RGL1: variants seen among roughly 807,000 people sequenced by gnomAD.
The protein encoded by RGL1 is ral guanine nucleotide dissociation stimulator like 1, also known as ral guanine nucleotide dissociation stimulator-like 1.
RGL1 carries 24 observed loss-of-function variants against 95.2 expected under a neutral mutation model. The ratio of observed to expected loss-of-function variants is 0.25; its 90% CI spans 0.18 to 0.35. RGL1 has a LOEUF of 0.35. RGL1 is among the 10% of genes least tolerant of loss of function. The pLI is 1.00. For missense variants in RGL1, 715 were observed against 936.3 expected (o/e 0.76, Z 3.08); for synonymous variants, 329 against 344.9 (o/e 0.95, Z 0.51).
chr1:183,826,943 G>A (rs1319512517), intron 2 of RGL1, among the ~76,000 whole-genome samples: 1 of 151,000 alleles, frequency 6.6e-6, no homozygotes, highest in Non-Finnish European at 1.5e-5. Context: ...TCTTTTTCGA[G>A]ACAGAGTGTC....
intron 2 of RGL1, among the ~76,000 whole-genome samples, chr1:183,774,245 G>A (rs774864377): frequency 5.0e-4 from 76 of 152,314 alleles, no homozygotes; most frequent in Non-Finnish European, 8.8e-4. Context: ...AACCAAGCAG[G>A]TGCTGGCCAC....
At position 183,757,977 on chromosome 1, in the gene RGL1, A is replaced by G. The variant is rs191843710; in HGVS notation, c.132+15688A>G. Among the ~76,000 whole-genome samples, 347 of 152,336 alleles carry G rather than the reference A, an allele frequency of 2.3e-3. 2 individuals carry two copies. Among genetic ancestry groups the G allele is most frequent in the African/African-American group, 7.8e-3 (324 of 41,580 alleles). On this transcript the variant is annotated intron_variant, in intron 2 of 18. Transcript: ENST00000304685. ...TGGCCAGGGCATCAACTTCAGCTCA[A>G]TAACTGGTACCAATCTTGCTCTGTT...
In RGL1 at chr1:183,926,483, G is replaced by A; in HGVS notation, c.*191G>A. 1 of 448,292 alleles carries A rather than the reference G, an allele frequency of 2.2e-6. No individual in the cohort carries two copies. Among genetic ancestry groups the A allele is most frequent in the East Asian group, 3.8e-5 (1 of 26,282 alleles). The allele number at this position is 448,292 out of a possible 1,614,324, so 27.8% of individuals were successfully genotyped here. A position where few individuals can be genotyped will look rare whatever the true frequency, so the allele number is the denominator to read the frequency against. The stretch of plus-strand genomic sequence containing the variant: ...ACTGGAAATGAATTTGACATGAAAA[G>A]GATGAACGATTCACTGATTCTCTTT... On this transcript the variant is annotated 3_prime_UTR_variant, in exon 18 of 18. Transcript: ENST00000360851.
At chr1:183,924,864 G>T (rs1321256113) in intron 17 of RGL1, among the ~76,000 whole-genome samples, 1 of 151,954 alleles carries the variant, frequency 6.6e-6, no homozygotes, top group Admixed American at 6.5e-5. Flanking sequence ...TACTTGGGGG[G>T]CTGAGACAGG....
chr1:183,842,395 A>G (rs1474523062), intron 2 of RGL1, among the ~76,000 whole-genome samples: 1 of 152,070 alleles, frequency 6.6e-6, no homozygotes, highest in African/African-American at 2.4e-5. Context: ...AGAAGGTGAA[A>G]GAGTTTATTT....
chr1:183,710,546 T>TG (rs1345367187), intron 1 of RGL1, among the ~76,000 whole-genome samples: 2 of 152,170 alleles, frequency 1.3e-5, no homozygotes, highest in Non-Finnish European at 2.9e-5. Flanking sequence ...ATACTACCTG[T>TG]GGCTGGGTGA....
intron 2 of RGL1, among the ~76,000 whole-genome samples, chr1:183,753,797 G>A (rs1415946035): frequency 6.6e-6 from 1 of 152,176 alleles, no homozygotes; most frequent in Non-Finnish European, 1.5e-5. Context: ...GATCCATGAA[G>A]TAGTGTTGCC....
At chr1:183,858,686 T>G (rs1229726537) in intron 3 of RGL1, among the ~76,000 whole-genome samples, 2 of 152,240 alleles carry the variant, frequency 1.3e-5, no homozygotes, top group African/African-American at 2.4e-5. Flanking sequence ...CTGAAAATTT[T>G]TTTTACATTT....
Position 183,880,696 on chromosome 1 carries a change from AG to A in RGL1, c.507del (p.Lys170AsnfsTer9). On this transcript the variant is annotated frameshift_variant, in exon 5 of 18. Coordinates refer to ENST00000360851, the MANE Select transcript of RGL1 (RefSeq NM_001297671.3). LOFTEE classifies it high-confidence loss of function. ...FREPPHFPCL[Q>X]KLLDYLTRMM... ...GAGCCCCCTCACTTCCCTTGCTTAC[AG>A]AAACTGCTGGATTATCTCACACGGA... 1 of 1,613,962 alleles carries A rather than the reference AG, an allele frequency of 6.2e-7. No homozygotes were observed. The highest frequency in any genetic ancestry group is 8.5e-7 in the Non-Finnish European group (1 of 1,179,836).
intron 1 of RGL1, among the ~76,000 whole-genome samples, chr1:183,665,638 A>G (rs1651976153): frequency 6.6e-6 from 1 of 152,232 alleles, no homozygotes; most frequent in South Asian, 2.1e-4. Context: ...GAGTTCGTCC[A>G]TTTTATCTAG....
intron 2 of RGL1, among the ~76,000 whole-genome samples, chr1:183,789,548 A>G (rs998792682): frequency 6.6e-6 from 1 of 152,224 alleles, no homozygotes; most frequent in African/African-American, 2.4e-5. Flanking sequence ...CACAAAATAA[A>G]TATTCATTAC....
chr1:183,805,348 C>G (rs779317675), intron 1 of RGL1, 24 bp downstream of exon 1: 22 of 1,595,856 alleles, frequency 1.4e-5, no homozygotes, highest in Non-Finnish European at 1.8e-5. Flanking sequence ...TCTGCCTTCT[C>G]CCGAGGCTTC....
chr1:183,652,823 T>C (rs1238085514), intron 1 of RGL1, among the ~76,000 whole-genome samples: 2 of 152,044 alleles, frequency 1.3e-5, no homozygotes, highest in Non-Finnish European at 2.9e-5. Context: ...GAGCCCAGCG[T>C]GCTGGAGGGC....
chr1:183,666,005 C>CTTTTTTTTT (rs746295660), intron 1 of RGL1, among the ~76,000 whole-genome samples: 2 of 130,716 alleles, frequency 1.5e-5, no homozygotes, highest in African/African-American at 5.7e-5. Context: ...TTCTTTTTTT[C>CTTTTTTTTT]TTTTTTTTTT....
chr1:183,875,370 T>TA (rs1666427132), intron 4 of RGL1, among the ~76,000 whole-genome samples: 1 of 152,342 alleles, frequency 6.6e-6, no homozygotes, highest in South Asian at 2.1e-4. Context: ...TATGATTTAA[T>TA]ACGTTTACCT....
chr1:183,823,980 G>T (rs909906651), intron 2 of RGL1, among the ~76,000 whole-genome samples: 1 of 151,840 alleles, frequency 6.6e-6, no homozygotes, highest in East Asian at 1.9e-4. Flanking sequence ...TTAGAGATGG[G>T]CCTTGCTATG....
intron 4 of RGL1, among the ~76,000 whole-genome samples, chr1:183,876,676 G>A (rs1284136539): frequency 6.6e-6 from 1 of 152,182 alleles, no homozygotes; most frequent in African/African-American, 2.4e-5. Context: ...TCTTTGATTT[G>A]TCCTAGAGAG....
At chr1:183,794,595 T>C (rs914348796) in intron 2 of RGL1, among the ~76,000 whole-genome samples, 5 of 152,224 alleles carry the variant, frequency 3.3e-5, no homozygotes, top group Non-Finnish European at 7.3e-5. Flanking sequence ...TTCATTTATC[T>C]TTTAAGAAAA....
intron 2 of RGL1, among the ~76,000 whole-genome samples, chr1:183,795,797 T>C (rs1660670019): frequency 1.3e-5 from 2 of 152,222 alleles, no homozygotes; most frequent in Non-Finnish European, 2.9e-5. Flanking sequence ...GGTGTTTTTC[T>C]ATGTTGTGTA....
Sources: allele counts gnomAD v4.1 joint callset (sites outside exome capture counted in the v4.1 genomes callset), GRCh38; gene constraint gnomAD v4.1.1; transcripts MANE v1.5; gene names NCBI Gene and HGNC (gene_info 2026-07-23, HGNC 2026-07-21).